The following DEPDC5 variants were observed in gnomAD, a reference collection of about 807,000 sequenced individuals.
The protein encoded by DEPDC5 is GATOR1 complex protein DEPDC5.
In DEPDC5, 73 loss-of-function variants were observed where a neutral mutation model predicts 217.3. The observed-to-expected ratio is 0.34, with a 90% CI of 0.28 to 0.41. The LOEUF (loss-of-function observed/expected upper bound fraction) is 0.41. Ranked by LOEUF, DEPDC5 falls within the 10% of genes least tolerant of loss-of-function variation. The pLI is 1.00. For missense variants in DEPDC5, 1,675 were observed against 2,070.1 expected (o/e 0.81, Z 3.70); for synonymous variants, 733 against 756.7 (o/e 0.97, Z 0.51).
chr22:31,882,810 G>A (rs571100925), intron 38 of DEPDC5, among the ~76,000 whole-genome samples: 1 of 151,426 alleles, frequency 6.6e-6, no homozygotes. Context: ...TAAAAATAGA[G>A]ACAGGGTCTC....
At chr22:31,756,568 G>A (rs1339023456) in intron 2 of DEPDC5, among the ~76,000 whole-genome samples, 2 of 152,278 alleles carry the variant, frequency 1.3e-5, no homozygotes, top group Middle Eastern at 3.4e-3. Context: ...ATGTTTTTAT[G>A]TATAAAATAC....
Position 31,800,987 on chromosome 22 carries a change from C to CCT in DEPDC5, c.947-1717_947-1716insCT, listed in dbSNP as rs1556610456. Reference sequence around the variant, plus strand: ...AAAGACACTATCTCAAAAAAAAATTCTTTTTTTTTTTTTTAAATAAATAGG... The same window carrying CCT: ...AAAGACACTATCTCAAAAAAAAATTCCTTTTTTTTTTTTTTTAAATAAATAGG... On this transcript the variant is annotated intron_variant, in intron 14 of 42. Transcript: ENST00000651528. Among the ~76,000 whole-genome samples, 431 of 141,224 alleles carry CCT rather than the reference C, an allele frequency of 3.1e-3. 2 individuals carry two copies. The highest frequency in any genetic ancestry group is 9.7e-3 in the African/African-American group (373 of 38,622). The allele number at this position is 141,224 out of a possible 152,430, so 92.6% of individuals were successfully genotyped here.
intron 31 of DEPDC5, among the ~76,000 whole-genome samples, chr22:31,856,153 GCGCACACACA>G (rs1326100125): frequency 1.8e-5 from 2 of 108,264 alleles, no homozygotes; most frequent in East Asian, 6.0e-4. Flanking sequence ...TTGGGCCAAC[GCGCACACACA>G]CACACACACA....
intron 7 of DEPDC5, among the ~76,000 whole-genome samples, chr22:31,777,589 A>G (rs751327422): frequency 3.6e-4 from 55 of 151,256 alleles, no homozygotes; most frequent in Non-Finnish European, 3.7e-4. Context: ...CTATATGTGG[A>G]CTCCCAGATT....
Position 31,784,651 on chromosome 22 carries a change from A to G in DEPDC5, c.563-163A>G, listed in dbSNP as rs1340677974. 16 of 572,398 alleles carry G rather than the reference A, an allele frequency of 2.8e-5. No individual in the cohort carries two copies. In the Admixed American group the frequency reaches 5.1e-4, roughly 18 times the overall value. The allele number at this position is 572,398 out of a possible 1,614,324, so 35.5% of individuals were successfully genotyped here. ...AAAAAAAAAAAGATGTACAAAATAC[A>G]CCTTCTTTTTGGTCCCCTTTCTTAT... On this transcript the variant is annotated intron_variant, in intron 9 of 42. Coordinates refer to ENST00000651528, the MANE Select transcript of DEPDC5 (RefSeq NM_001242896.3).
intron 1 of DEPDC5, 131 bp from the exon 2 acceptor site, chr22:31,754,731 A>T: frequency 1.6e-6 from 1 of 620,514 alleles, no homozygotes; most frequent in South Asian, 2.0e-5. Flanking sequence ...TGGAGGAGTG[A>T]CTTCTTCCGA....
chr22:31,818,021 G>A (rs2089322810), intron 21 of DEPDC5, among the ~76,000 whole-genome samples: 1 of 152,080 alleles, frequency 6.6e-6, no homozygotes, highest in South Asian at 2.1e-4. Context: ...GATAATGATG[G>A]CCAAGACAAA....
intron 39 of DEPDC5, among the ~76,000 whole-genome samples, chr22:31,895,691 C>A (rs528794752): frequency 1.2e-3 from 187 of 151,834 alleles, no homozygotes; most frequent in African/African-American, 3.9e-3. Flanking sequence ...CATGAGCCAG[C>A]AGGTTTTTTT....
rs532779169 is a variant in DEPDC5, at chr22:31,817,330, G to A, written c.1667-1692G>A. The A allele has an allele frequency of 1.7e-3, 417 of 244,186 alleles. 1 individual carries two copies. Among genetic ancestry groups the A allele is most frequent in the African/African-American group, 8.9e-3 (388 of 43,480 alleles). The allele number at this position is 244,186 out of a possible 1,614,324, so 15.1% of individuals were successfully genotyped here. On this transcript the variant is annotated intron_variant, in intron 21 of 42. Transcript: ENST00000651528. ...TCACCATGTTGGTCAGGCTGGTCTCGAACTCCTGACCTCAGGTGATCTGCC... is the reference window on the plus strand; with the variant it reads ...TCACCATGTTGGTCAGGCTGGTCTCAAACTCCTGACCTCAGGTGATCTGCC...
At position 31,875,039 on chromosome 22, in the gene DEPDC5, A is replaced by G. The variant is rs2092951157; in HGVS notation, c.3696+634A>G. Among the ~76,000 whole-genome samples, 3 of 152,348 alleles carry G rather than the reference A, an allele frequency of 2.0e-5. No individual in the cohort carries two copies. In the South Asian group the frequency reaches 6.2e-4, roughly 32 times the overall value. On this transcript the variant is annotated intron_variant, in intron 36 of 42. Coordinates refer to ENST00000651528, the MANE Select transcript of DEPDC5 (RefSeq NM_001242896.3). ...AGAACTGGAATAACAAGGAAATGGG[A>G]AACGGCCAGTTGACTGAGCCAGTTC... is the stretch of plus-strand genomic sequence containing the variant.
chr22:31,781,983 A>G (rs950897687), intron 8 of DEPDC5, among the ~76,000 whole-genome samples: 1 of 152,072 alleles, frequency 6.6e-6, no homozygotes, highest in East Asian at 1.9e-4. Context: ...GTGAGCTATG[A>G]TGGTGCCACT....
intron 31 of DEPDC5, among the ~76,000 whole-genome samples, chr22:31,856,232 G>GACAC (rs58670229): frequency 0.022 from 3,210 of 143,716 alleles, 37 homozygotes; most frequent in Middle Eastern, 0.035. Context: ...CATTGCCTAT[G>GACAC]ACACACACAC....
chr22:31,811,014 A>G (rs1425506212), intron 20 of DEPDC5, among the ~76,000 whole-genome samples: 1 of 151,948 alleles, frequency 6.6e-6, no homozygotes, highest in African/African-American at 2.4e-5. Context: ...ACCTCAGGTG[A>G]TCTGCCCGCC....
At chr22:31,773,307 C>T (rs1289260872) in intron 7 of DEPDC5, among the ~76,000 whole-genome samples, 1 of 152,216 alleles carries the variant, frequency 6.6e-6, no homozygotes, top group East Asian at 1.9e-4. Flanking sequence ...CCCACCTCAG[C>T]CTCCTGAGTA....
At chr22:31,770,124 C>CT (rs2083204833) in intron 7 of DEPDC5, among the ~76,000 whole-genome samples, 1 of 150,222 alleles carries the variant, frequency 6.7e-6, no homozygotes, top group Non-Finnish European at 1.5e-5. Flanking sequence ...GTCCCAGCTA[C>CT]TCAGGAGGCT....
At chr22:31,767,410 C>T (rs1045935647) in intron 6 of DEPDC5, among the ~76,000 whole-genome samples, 2 of 152,094 alleles carry the variant, frequency 1.3e-5, no homozygotes, top group African/African-American at 4.8e-5. Context: ...ATTCTCCTGC[C>T]TCAGCCTCCG....
intron 2 of DEPDC5, chr22:31,757,214 G>T (rs1376453078): frequency 6.6e-6 from 1 of 152,148 alleles, no homozygotes. Flanking sequence ...TGGGTGCAGT[G>T]GTGTATGCCT....
intron 39 of DEPDC5, among the ~76,000 whole-genome samples, chr22:31,895,957 A>G (rs2093544582): frequency 6.6e-6 from 1 of 151,794 alleles, no homozygotes; most frequent in South Asian, 2.1e-4. Context: ...TCTTTCAGGT[A>G]AAACTAACTC....
At chr22:31,794,392 G>C (rs2086011993) in intron 12 of DEPDC5, among the ~76,000 whole-genome samples, 1 of 151,942 alleles carries the variant, frequency 6.6e-6, no homozygotes, top group Non-Finnish European at 1.5e-5. Flanking sequence ...ATTTGAGCAT[G>C]ATCAGTTATA....
Sources: gnomAD v4.1 joint callset for allele counts (sites outside exome capture counted in the v4.1 genomes callset) on GRCh38, gnomAD v4.1.1 for gene constraint, MANE v1.5 for transcripts, NCBI Gene and HGNC (gene_info 2026-07-23, HGNC 2026-07-21) for gene names.